Variants in INPP5K observed in about 807,000 individuals in gnomAD.
INPP5K encodes inositol polyphosphate 5-phosphatase K.
A neutral mutation model predicts 53.5 loss-of-function variants in INPP5K; 35 were observed. The observed-to-expected ratio is 0.65, with a 90% CI of 0.50 to 0.87. INPP5K has a LOEUF of 0.87. Among genes scored for constraint, INPP5K ranks in the 40% least tolerant of loss-of-function variants. The probability of loss-of-function intolerance (pLI) is 0.00; values close to 1 mark genes in which losing one functional copy is unlikely to be tolerated. For missense variants in INPP5K, 550 were observed against 586.2 expected (o/e 0.94, Z 0.64); for synonymous variants, 253 against 232.8 (o/e 1.09, Z -0.79).
At chr17:1,516,418 C>G in intron 1 of INPP5K, 38 bp downstream of exon 1, 2 of 1,575,946 alleles carry the variant, frequency 1.3e-6, no homozygotes, top group Non-Finnish European at 1.7e-6. Flanking sequence ...CGCCGATCCC[C>G]CCGAGCAGGC....
intron 3 of INPP5K, chr17:1,510,379 G>C (rs928829351): frequency 6.6e-6 from 1 of 152,362 alleles, no homozygotes; most frequent in Non-Finnish European, 1.5e-5. Flanking sequence ...ACCAGGTCTT[G>C]TATTTTTAGT....
At chr17:1,515,390 C>T in intron 1 of INPP5K, 1 of 981,794 alleles carries the variant, frequency 1.0e-6, no homozygotes. Context: ...CTCAATGACA[C>T]TGGATCCAGT....
At chr17:1,513,306 G>C in intron 3 of INPP5K, 147 bp downstream of exon 3, 1 of 716,960 alleles carries the variant, frequency 1.4e-6, no homozygotes, top group East Asian at 2.6e-5. Flanking sequence ...CCGGGGTCCA[G>C]GTGGAAGGGA....
chr17:1,510,017 T>C (rs1299918608), intron 3 of INPP5K, among the ~76,000 whole-genome samples: 9 of 152,252 alleles, frequency 5.9e-5, no homozygotes, highest in Non-Finnish European at 1.2e-4. Flanking sequence ...TTTTCGATTC[T>C]GCGCCTAGGC....
At chr17:1,513,710 T>G (rs1014048860) in intron 2 of INPP5K, 149 bp from the exon 3 acceptor site, 4 of 896,810 alleles carry the variant, frequency 4.5e-6, no homozygotes, top group Non-Finnish European at 3.5e-6. Flanking sequence ...CCAGCCCCCT[T>G]TGCCGTTGCT....
At chr17:1,498,301 A>C (rs926334628) in intron 7 of INPP5K, 179 bp from the exon 8 acceptor site, 1 of 509,054 alleles carries the variant, frequency 2.0e-6, no homozygotes. Flanking sequence ...TGCCTAACAG[A>C]ATCCAAAGTA....
At chr17:1,499,493 CAA>C (rs1006149955) in intron 7 of INPP5K, among the ~76,000 whole-genome samples, 1 of 150,440 alleles carries the variant, frequency 6.6e-6, no homozygotes. Flanking sequence ...ACTCTATCTC[CAA>C]AAAAAAAGGA....
intron 1 of INPP5K, chr17:1,516,028 G>GC (rs1490178745): frequency 2.6e-5 from 27 of 1,025,512 alleles, no homozygotes; most frequent in Non-Finnish European, 3.2e-5. Context: ...AAGAGACCAG[G>GC]CTAAGTCACT....
intron 7 of INPP5K, among the ~76,000 whole-genome samples, chr17:1,504,947 G>C (rs1392712905): frequency 6.6e-6 from 1 of 152,192 alleles, no homozygotes; most frequent in Non-Finnish European, 1.5e-5. Flanking sequence ...CTCACTGGCT[G>C]AGCTACCTGG....
At chr17:1,500,331 C>A (rs536257621) in intron 7 of INPP5K, among the ~76,000 whole-genome samples, 1 of 152,060 alleles carries the variant, frequency 6.6e-6, no homozygotes, top group Non-Finnish European at 1.5e-5. Context: ...AGGCCTTTGC[C>A]GAAACCATCC....
At chr17:1,501,271 T>C (rs1156673089) in intron 7 of INPP5K, among the ~76,000 whole-genome samples, 1 of 152,192 alleles carries the variant, frequency 6.6e-6, no homozygotes, top group Non-Finnish European at 1.5e-5. Flanking sequence ...TCAACTGCTA[T>C]TTTAAATAAA....
rs755551914 is a variant in INPP5K, at chr17:1,508,141, A to G, written c.640T>C (p.Tyr214His). ...TGGTCCTTCTCCCACAGGCCACCGT[A>G]GCACCGATTTTTAATGGATTCCCGA... ...FVRESIKNRC[Y>H]GGLWEKDQLS... Residue 214 changes from tyrosine to histidine, a missense_variant, in exon 6 of 12, where the codon TAC becomes CAC. Coordinates refer to ENST00000421807, the MANE Select transcript of INPP5K (RefSeq NM_016532.4). 6 of 1,614,022 alleles carry G rather than the reference A, an allele frequency of 3.7e-6. No homozygotes were observed. Among genetic ancestry groups the G allele is most frequent in the African/African-American group, 1.3e-5 (1 of 75,030 alleles).
chr17:1,508,921 C>T (rs1343791473), intron 5 of INPP5K: 9 of 365,312 alleles, frequency 2.5e-5, no homozygotes, highest in Non-Finnish European at 3.9e-5. Context: ...GGGCGGGGAA[C>T]GGTCTGCAGA....
At chr17:1,509,564 C>A in intron 4 of INPP5K, 119 bp downstream of exon 4, 1 of 894,390 alleles carries the variant, frequency 1.1e-6, no homozygotes, top group Non-Finnish European at 1.8e-6. Context: ...GGCAAAAGAA[C>A]AAACATGCAT....
intron 7 of INPP5K, among the ~76,000 whole-genome samples, chr17:1,501,060 G>A (rs2150981878): frequency 6.6e-6 from 1 of 151,220 alleles, no homozygotes; most frequent in Non-Finnish European, 1.5e-5. Context: ...CCGGGTTCAA[G>A]CGATTCTCCT....
chr17:1,511,380 C>T (rs1031193502), intron 3 of INPP5K, among the ~76,000 whole-genome samples: 46 of 152,222 alleles, frequency 3.0e-4, no homozygotes, highest in African/African-American at 1.1e-3. Context: ...GCCAGTAGCT[C>T]TCCCTCTCAG....
rs370251959 is a variant in INPP5K, at chr17:1,497,912, G to T, written c.963+24C>A. ...GCCAGCATAGCTATTCCTCTGGCAAGTATCAGGCAGCCCAGAAGTTCACCT... is the reference window on the plus strand; with the variant it reads ...GCCAGCATAGCTATTCCTCTGGCAATTATCAGGCAGCCCAGAAGTTCACCT... On this transcript the variant is annotated intron_variant, in intron 8 of 11. Coordinates refer to ENST00000421807, the MANE Select transcript of INPP5K (RefSeq NM_016532.4). The T allele has an allele frequency of 1.3e-5, 21 of 1,599,864 alleles. No homozygotes were observed. The African/African-American group carries it at 2.5e-4, about 19-fold the overall frequency.
At chr17:1,504,576 C>T (rs2075109482) in intron 7 of INPP5K, among the ~76,000 whole-genome samples, 1 of 152,214 alleles carries the variant, frequency 6.6e-6, no homozygotes, top group South Asian at 2.1e-4. Context: ...CATGAGTCTA[C>T]AGACACAGAT....
intron 7 of INPP5K, among the ~76,000 whole-genome samples, chr17:1,500,425 C>T (rs963091891): frequency 2.6e-5 from 4 of 151,510 alleles, no homozygotes; most frequent in East Asian, 1.9e-4. Context: ...AGTGCACTGG[C>T]GCAATCTCGG....
Sources: allele counts gnomAD v4.1 joint callset (sites outside exome capture counted in the v4.1 genomes callset), GRCh38; gene constraint gnomAD v4.1.1; transcripts MANE v1.5; gene names NCBI Gene and HGNC (gene_info 2026-07-23, HGNC 2026-07-21).